Variants in PACS2 observed in about 807,000 individuals in gnomAD.
The protein encoded by PACS2 is PACS1-like protein.
Under a neutral mutation model 113.0 loss-of-function variants are expected in PACS2, and 36 were observed. That is an observed-to-expected ratio of 0.32 (90% confidence interval 0.24 to 0.42). The LOEUF is 0.42. Ranked by LOEUF, PACS2 falls within the 10% of genes least tolerant of loss-of-function variation. PACS2 has a pLI of 1.00. For missense variants in PACS2, 1,015 were observed against 1,239.5 expected, an observed-to-expected ratio of 0.82 and a Z score of 2.72; for synonymous variants, 589 against 536.1, an observed-to-expected ratio of 1.10 and a Z score of -1.36.
rs1010376719 is a variant in PACS2 at position 105,395,352 on chromosome 14, C to G, written c.*680C>G. ...TGCCCCACCCCGCCTCACACCTTCC[C>G]CACTCTCAGGCTGTTCTTGAAACAC... On this transcript the variant is annotated 3_prime_UTR_variant, in exon 25 of 25. Transcript: ENST00000447393. 4 of 152,352 alleles carry G rather than the reference C, an allele frequency of 2.6e-5. No individual in the cohort carries two copies. Among genetic ancestry groups the G allele is most frequent in the African/African-American group, 9.7e-5 (4 of 41,450 alleles). 9.4% of individuals were successfully genotyped at this position (152,352 alleles called of 1,614,324 possible). A position where few individuals can be genotyped will look rare whatever the true frequency, so the allele number is the denominator to read the frequency against.
chr14:105,302,199 T>TC (rs888410769), intron 1 of PACS2, among the ~76,000 whole-genome samples: 2 of 150,394 alleles, frequency 1.3e-5, no homozygotes, highest in African/African-American at 4.9e-5. Flanking sequence ...CTCTTTTTTT[T>TC]CTTTCTTTTT....
At chr14:105,392,130 T>C in intron 22 of PACS2, 1 of 348,070 alleles carries the variant, frequency 2.9e-6, no homozygotes, top group South Asian at 3.8e-5. Context: ...ATAGCTGTGC[T>C]GAGGCCCCGC....
At chr14:105,349,990 C>T (rs892006624) in intron 2 of PACS2, among the ~76,000 whole-genome samples, 7 of 149,476 alleles carry the variant, frequency 4.7e-5, no homozygotes, top group African/African-American at 1.2e-4. Flanking sequence ...TCCGGGAGCG[C>T]GTGGCTAATA....
chr14:105,367,561 A>G (rs2060982658), intron 5 of PACS2, among the ~76,000 whole-genome samples, 186 bp downstream of exon 5: 3 of 152,362 alleles, frequency 2.0e-5, no homozygotes, highest in South Asian at 4.1e-4. Context: ...CCGGGCTGCC[A>G]CAGGTCCCTG....
intron 8 of PACS2, chr14:105,371,489 G>C (rs587621262): frequency 6.6e-6 from 1 of 152,384 alleles, no homozygotes; most frequent in South Asian, 2.1e-4. Flanking sequence ...CGTTTTCATA[G>C]GGATAATTGC....
intron 5 of PACS2, 90 bp downstream of exon 5, chr14:105,367,465 C>G (rs1595716130): frequency 1.5e-6 from 2 of 1,356,528 alleles, no homozygotes; most frequent in East Asian, 2.3e-5. Flanking sequence ...ACTGTCCAGC[C>G]TGGCTTAAGG....
chr14:105,362,161 G>A (rs1011576680), intron 4 of PACS2, among the ~76,000 whole-genome samples: 3 of 152,014 alleles, frequency 2.0e-5, no homozygotes, highest in South Asian at 2.1e-4. Context: ...GCTCACGCCT[G>A]TCATCCCAGC....
intron 6 of PACS2, 64 bp downstream of exon 6, chr14:105,368,211 G>T: frequency 1.7e-6 from 2 of 1,199,066 alleles, no homozygotes; most frequent in Non-Finnish European, 2.4e-6. Context: ...GGGTCTGTGG[G>T]GTCCTCACCA....
At chr14:105,385,246 A>G (rs1265254963) in intron 18 of PACS2, among the ~76,000 whole-genome samples, 3 of 152,244 alleles carry the variant, frequency 2.0e-5, no homozygotes, top group Non-Finnish European at 4.4e-5. Flanking sequence ...AGAAGTTGAC[A>G]GAATGGATAG....
chr14:105,343,205 C>T (rs1390440916), intron 1 of PACS2, among the ~76,000 whole-genome samples: 2 of 152,226 alleles, frequency 1.3e-5, no homozygotes, highest in African/African-American at 2.4e-5. Context: ...CTTCCAGATC[C>T]ATCCTATCAC....
chr14:105,373,634 A>G (rs2061238261), intron 8 of PACS2, among the ~76,000 whole-genome samples: 1 of 152,100 alleles, frequency 6.6e-6, no homozygotes, highest in Non-Finnish European at 1.5e-5. Flanking sequence ...TAAAAATACA[A>G]AAAATTGGCC....
chr14:105,327,389 G>A (rs1287819406), intron 1 of PACS2, among the ~76,000 whole-genome samples: 1 of 152,218 alleles, frequency 6.6e-6, no homozygotes, highest in Non-Finnish European at 1.5e-5. Context: ...TGAGGGGCGG[G>A]GACCTTGGCT....
intron 1 of PACS2, among the ~76,000 whole-genome samples, chr14:105,327,117 G>T (rs1194347602): frequency 6.6e-6 from 1 of 152,240 alleles, no homozygotes; most frequent in South Asian, 2.1e-4. Context: ...TCTCCTGCGG[G>T]AGGTGTCAGC....
intron 1 of PACS2, among the ~76,000 whole-genome samples, chr14:105,335,189 G>A (rs1008266016): frequency 5.3e-5 from 8 of 152,370 alleles, no homozygotes; most frequent in South Asian, 4.1e-4. Context: ...AGGGCCGGAC[G>A]TGTGTTTGCA....
chr14:105,362,228 C>T (rs990969628), intron 4 of PACS2, among the ~76,000 whole-genome samples: 4 of 150,686 alleles, frequency 2.7e-5, no homozygotes, highest in Non-Finnish European at 4.4e-5. Flanking sequence ...ACCATCCTGG[C>T]TAACACAGTG....
At chr14:105,352,676 G>GAGA (rs2141029975) in intron 3 of PACS2, among the ~76,000 whole-genome samples, 2 of 141,860 alleles carry the variant, frequency 1.4e-5, no homozygotes, top group South Asian at 4.5e-4. Flanking sequence ...GTCCCCTGGG[G>GAGA]CGACGGGCCC....
chr14:105,364,305 G>C (rs2060846052), intron 4 of PACS2, among the ~76,000 whole-genome samples: 1 of 149,154 alleles, frequency 6.7e-6, no homozygotes, highest in Admixed American at 6.7e-5. Flanking sequence ...GGGTGTGGTG[G>C]GCGTCCCGGG....
chr14:105,325,792 G>A (rs1016819945), intron 1 of PACS2, among the ~76,000 whole-genome samples: 4 of 152,248 alleles, frequency 2.6e-5, no homozygotes, highest in African/African-American at 9.6e-5. Context: ...TCTTGTTCTG[G>A]TGAGCACGGG....
rs1023953257 is a variant in PACS2 at position 105,309,051 on chromosome 14, A to T, written c.-83+8072A>T. Among the ~76,000 whole-genome samples, 2 of 152,152 alleles carry T rather than the reference A, an allele frequency of 1.3e-5. No individual in the cohort carries two copies. The highest frequency in any genetic ancestry group is 4.8e-5 in the African/African-American group (2 of 41,446). ...AATCCATCCTGCACGAAGAGCACTG[A>T]GGTTGAGTGTTGGTTGACACGTGTT... On this transcript the variant is annotated intron_variant, in intron 1 of 23. Transcript: ENST00000430725. This position sits in a 1 kb window ranked among gnomAD's most constrained non-coding sequence, Gnocchi z 4.0.
Sources: gnomAD v4.1 joint callset for allele counts (sites outside exome capture counted in the v4.1 genomes callset) on GRCh38, gnomAD v4.1.1 for gene constraint, Gnocchi (gnomAD v3.1) non-coding constraint, MANE v1.5 for transcripts, NCBI Gene and HGNC (gene_info 2026-07-23, HGNC 2026-07-21) for gene names.